CAMK2D: variants seen among roughly 807,000 people sequenced by gnomAD.
CAMK2D encodes the protein calcium/calmodulin-dependent protein kinase type II subunit delta.
CAMK2D carries 37 observed loss-of-function variants against 84.0 expected under a neutral mutation model. The ratio of observed to expected loss-of-function variants is 0.44; its 90% CI spans 0.34 to 0.58. CAMK2D has a LOEUF of 0.58. Among genes scored for constraint, CAMK2D ranks in the 20% least tolerant of loss-of-function variants. The pLI is 0.02. For synonymous variants in CAMK2D, 202 were observed against 212.5 expected (o/e 0.95, Z 0.43); for missense variants, 448 against 652.5 (o/e 0.69, Z 3.41).
chr4:113,619,640 A>AT (rs2099036724), intron 3 of CAMK2D, among the ~76,000 whole-genome samples: 3 of 152,138 alleles, frequency 2.0e-5, no homozygotes, highest in Non-Finnish European at 4.4e-5. Context: ...TATTTCCCCG[A>AT]TATTCACATG....
At chr4:113,756,790 T>C (rs892661716) in intron 2 of CAMK2D, among the ~76,000 whole-genome samples, 84 of 152,066 alleles carry the variant, frequency 5.5e-4, no homozygotes, top group African/African-American at 2.0e-3. Flanking sequence ...GAATGTTGTA[T>C]CAAAAAATGA....
intron 4 of CAMK2D, among the ~76,000 whole-genome samples, chr4:113,606,435 A>C (rs1175976350): frequency 6.6e-6 from 1 of 151,566 alleles, no homozygotes; most frequent in Non-Finnish European, 1.5e-5. Flanking sequence ...GCGCCACTGC[A>C]CTCAAGCCTG....
intron 2 of CAMK2D, among the ~76,000 whole-genome samples, chr4:113,663,623 A>AAT (rs2099245468): frequency 7.7e-6 from 1 of 130,428 alleles, no homozygotes; most frequent in Non-Finnish European, 1.6e-5. Context: ...ATAATAATAA[A>AAT]GTACATGAAA....
intron 3 of CAMK2D, among the ~76,000 whole-genome samples, chr4:113,660,121 C>T (rs2099222607): frequency 1.3e-5 from 2 of 152,168 alleles, no homozygotes; most frequent in African/African-American, 2.4e-5. Flanking sequence ...ATCACTGTTA[C>T]CCCTTTTCTC....
intron 16 of CAMK2D, among the ~76,000 whole-genome samples, chr4:113,492,323 G>T (rs576863712): frequency 3.9e-5 from 6 of 152,190 alleles, no homozygotes; most frequent in Admixed American, 2.6e-4. Context: ...ATGTGTCCCA[G>T]AGATTCTGGT....
chr4:113,761,012 C>A lies in CAMK2D; in HGVS notation c.57G>T (p.Glu19Asp). The A allele has an allele frequency of 6.2e-7, 1 of 1,614,206 alleles. No homozygotes were observed. Among genetic ancestry groups the A allele is most frequent in the African/African-American group, 1.3e-5 (1 of 75,060 alleles). Residue 19 changes from glutamate (E) to aspartate (D), a missense_variant, in exon 1 of 21, where the codon GAG becomes GAT. Around this residue, in one of 7 missense-constraint regions of CAMK2D, gnomAD observed 44 missense variants for 45.6 expected, o/e 0.96. Transcript: ENST00000511664. ...CGGGCAAAGGTGCTTACTTTCCAAG[C>A]TCCTCGAAAAGCTGATACTCGTCCG... ...RFTDEYQLFE[E>D]LGKGAFSVVR...
At chr4:113,545,444 T>C (rs1304233228) in intron 6 of CAMK2D, among the ~76,000 whole-genome samples, 1 of 152,196 alleles carries the variant, frequency 6.6e-6, no homozygotes, top group Non-Finnish European at 1.5e-5. Flanking sequence ...ATAGGAATAG[T>C]AAAGGCAAGT....
chr4:113,535,036 G>A (rs1358934330), intron 7 of CAMK2D, among the ~76,000 whole-genome samples: 1 of 152,154 alleles, frequency 6.6e-6, no homozygotes, highest in African/African-American at 2.4e-5. Context: ...CAACATTCTT[G>A]TAATCATCAA....
chr4:113,632,517 C>T (rs1592228346), intron 3 of CAMK2D, among the ~76,000 whole-genome samples: 1 of 151,802 alleles, frequency 6.6e-6, no homozygotes, highest in East Asian at 1.9e-4. Context: ...GCCACCACGC[C>T]CGGCCTGTGT....
In CAMK2D at chr4:113,639,912, C is replaced by T. The variant is rs535878743; in HGVS notation, c.220+21801G>A. ...TCCGAGTTGCATTTTTAAAAAACCC[C>T]ATTCTTCATAGCAAAGGGAAGAATT... On this transcript the variant is annotated intron_variant, in intron 3 of 20. Transcript: ENST00000511664. Among the ~76,000 whole-genome samples the T allele has an allele frequency of 6.6e-5, 10 of 152,156 alleles. No homozygotes were observed. In the East Asian group the frequency reaches 1.5e-3, roughly 24 times the overall value.
chr4:113,739,237 G>A (rs868313042), intron 2 of CAMK2D, among the ~76,000 whole-genome samples: 3 of 152,234 alleles, frequency 2.0e-5, no homozygotes, highest in South Asian at 4.1e-4. Flanking sequence ...AGATTAAAAT[G>A]GAAACTTCTC....
At chr4:113,532,292 T>C (rs1332919424) in intron 7 of CAMK2D, among the ~76,000 whole-genome samples, 1 of 151,884 alleles carries the variant, frequency 6.6e-6, no homozygotes, top group Admixed American at 6.6e-5. Context: ...TCTTTTCTAT[T>C]ACCATTCTTC....
chr4:113,622,723 C>T (rs2099051453), intron 3 of CAMK2D, among the ~76,000 whole-genome samples: 2 of 152,118 alleles, frequency 1.3e-5, no homozygotes, highest in African/African-American at 4.8e-5. Context: ...ATGTTTGCAC[C>T]ACTGCGCTCC....
At chr4:113,709,736 A>C in intron 2 of CAMK2D, among the ~76,000 whole-genome samples, 1 of 68,072 alleles carries the variant, frequency 1.5e-5, no homozygotes, top group Non-Finnish European at 2.6e-5. Context: ...AAAAGCTAAA[A>C]GCCGTGAACG....
intron 3 of CAMK2D, among the ~76,000 whole-genome samples, chr4:113,652,989 G>A (rs2099181674): frequency 6.6e-6 from 1 of 152,014 alleles, no homozygotes; most frequent in African/African-American, 2.4e-5. Context: ...AAAGAAACCA[G>A]TAACAAATGT....
intron 8 of CAMK2D, among the ~76,000 whole-genome samples, chr4:113,527,126 A>G (rs372932242): frequency 6.6e-6 from 1 of 152,228 alleles, no homozygotes; most frequent in East Asian, 1.9e-4. Context: ...TTCAGAAATT[A>G]TCACAGCTTC....
intron 2 of CAMK2D, among the ~76,000 whole-genome samples, chr4:113,730,831 A>G (rs1244034172): frequency 2.0e-5 from 3 of 152,144 alleles, no homozygotes; most frequent in African/African-American, 7.2e-5. Flanking sequence ...GACTTTTTCT[A>G]CCTTTGTTTA....
Position 113,462,298 on chromosome 4 carries a change from GTCTGTCTGTCTGTCTGTCTGTC to G in CAMK2D, c.1212-2079_1212-2058del, listed in dbSNP as rs2097393409. Among the ~76,000 whole-genome samples, 126 of 113,824 alleles carry G rather than the reference GTCTGTCTGTCTGTCTGTCTGTC, an allele frequency of 1.1e-3. 1 individual carries two copies. The highest frequency in any genetic ancestry group is 2.8e-3 in the African/African-American group (91 of 32,710). The allele number at this position is 113,824 out of a possible 152,430, so 74.7% of individuals were successfully genotyped here. On this transcript the variant is annotated intron_variant, in intron 17 of 20. Coordinates refer to ENST00000511664, the MANE Select transcript of CAMK2D (RefSeq NM_001321571.2). Reference sequence around the variant, plus strand: ...TGTGTGTGTGTGTGTGTGTGTGTCTGTCTGTCTGTCTGTCTGTCTGTCTGTCTGTCTGTCTGTCTGTCTATCT... The same window carrying G: ...TGTGTGTGTGTGTGTGTGTGTGTCTGTGTCTGTCTGTCTGTCTGTCTATCT...
intron 4 of CAMK2D, among the ~76,000 whole-genome samples, chr4:113,578,086 C>T (rs960792254): frequency 2.6e-5 from 4 of 152,096 alleles, no homozygotes; most frequent in Non-Finnish European, 5.9e-5. Flanking sequence ...CTCTAAAAGT[C>T]GTTTAAATTA....
Sources: gnomAD v4.1 joint callset for allele counts (sites outside exome capture counted in the v4.1 genomes callset) on GRCh38, gnomAD v4.1.1 for gene constraint, gnomAD v4.1.1 regional missense constraint, MANE v1.5 for transcripts, NCBI Gene and HGNC (gene_info 2026-07-23, HGNC 2026-07-21) for gene names.